THAP7: variants seen among roughly 807,000 people sequenced by gnomAD.
THAP7 encodes THAP domain containing 7.
THAP7 carries 22 observed loss-of-function variants against 29.2 expected under a neutral mutation model. The ratio of observed to expected loss-of-function variants is 0.75; its 90% CI spans 0.54 to 1.08. The LOEUF is 1.08. Ranked by LOEUF, THAP7 falls within the 50% of genes least tolerant of loss-of-function variation. The pLI is 0.00. For missense variants in THAP7, 448 were observed against 416.2 expected (o/e 1.08, Z -0.66); for synonymous variants, 208 against 173.4 (o/e 1.20, Z -1.57).
At position 20,999,944 on chromosome 22, in the gene THAP7, G is replaced by A. The variant is rs1403563848; in HGVS notation, c.866C>T (p.Ala289Val). ...RAREKRAQADARQTLKEHVQD... is the reference protein window; with the variant it reads ...RAREKRAQADVRQTLKEHVQD... ...CACATGCTCCTTCAGAGTCTGGCGG[G>A]CATCTGCCTGTGCCCGCTTCTCCCG... The change falls in exon 4 of 4, where the codon GCC (alanine) becomes GTC (valine). Residue 289 changes from alanine (A) to valine (V), a missense_variant. By Grantham distance (64) the Ala-to-Val change is moderately conservative. Coordinates refer to ENST00000215742, the MANE Select transcript of THAP7 (RefSeq NM_030573.3). 6.2e-7 allele frequency: 1 copy of A among 1,612,254 alleles called. No homozygotes were observed. The highest frequency in any genetic ancestry group is 8.5e-7 in the Non-Finnish European group (1 of 1,179,982).
rs201463648 is a variant in THAP7, at chr22:21,001,393, G to A, written c.99C>T (p.Asn33=). 14 of 1,613,750 alleles carry A rather than the reference G, an allele frequency of 8.7e-6. No homozygotes were observed. Among genetic ancestry groups the A allele is most frequent in the Non-Finnish European group, 1.1e-5 (13 of 1,180,008 alleles). ...ISFHRLPKKD[N]PRRGLWLANC... is the part of the protein sequence containing the mutation. ...TGGCCAGCCACAAGCCTCGCCTCGG[G>A]TTGTCCTTCTTGGGAAGTCTGTGGA... The change falls in exon 2 of 4, where the codon AAC becomes AAT. Residue 33 remains asparagine, a synonymous_variant. Transcript: ENST00000215742.
chr22:21,001,425 A>G lies in THAP7; in HGVS notation c.81-14T>C. On this transcript the variant is annotated splice_polypyrimidine_tract_variant and intron_variant, in intron 1 of 3. Coordinates refer to ENST00000215742, the MANE Select transcript of THAP7 (RefSeq NM_030573.3). Reference sequence around the variant, plus strand: ...TTCTTGGGAAGTCTGTGGAGCCACAAACCCGTGAGCACCAGGCTGTCCACA... The same window carrying G: ...TTCTTGGGAAGTCTGTGGAGCCACAGACCCGTGAGCACCAGGCTGTCCACA... The G allele has an allele frequency of 6.2e-7, 1 of 1,612,626 alleles. No individual in the cohort carries two copies. Among genetic ancestry groups the G allele is most frequent in the Non-Finnish European group, 8.5e-7 (1 of 1,179,790 alleles).
intron 2 of THAP7, 114 bp downstream of exon 2, chr22:21,001,142 A>G (rs1014050941): frequency 4.1e-5 from 60 of 1,462,700 alleles, no homozygotes; most frequent in African/African-American, 1.7e-4. Flanking sequence ...AGCTGGGAAC[A>G]GGAAACAGCC....
Position 21,000,723 on chromosome 22 carries a change from G to C in THAP7, c.301C>G (p.Arg101Gly), listed in dbSNP as rs760363033. The C allele has an allele frequency of 1.9e-6, 3 of 1,614,020 alleles. No individual in the cohort carries two copies. Among genetic ancestry groups the C allele is most frequent in the East Asian group, 2.2e-5 (1 of 44,894 alleles). Reference sequence around the variant, plus strand: ...CTGTGTCCTTTGGTCTTGGTTGTCCGGCGCAACTTGGAGAAAGACTCAAAT... The same window carrying C: ...CTGTGTCCTTTGGTCTTGGTTGTCCCGCGCAACTTGGAGAAAGACTCAAAT... ...TIFESFSKLRRTTKTKGHSYP... is the reference protein window; with the variant it reads ...TIFESFSKLRGTTKTKGHSYP... Residue 101 changes from arginine (R) to glycine (G), a missense_variant, in exon 3 of 4, where the codon CGG becomes GGG. Coordinates refer to ENST00000215742, the MANE Select transcript of THAP7 (RefSeq NM_030573.3).
Position 21,000,407 on chromosome 22 carries a change from T to C in THAP7, c.403A>G (p.Thr135Ala), listed in dbSNP as rs1184685680. 4.5e-6 allele frequency: 7 copies of C among 1,552,728 alleles called. No homozygotes were observed. Among genetic ancestry groups the C allele is most frequent in the Middle Eastern group, 1.7e-4 (1 of 6,016 alleles). ...KRCSEGRGPT[T>A]PFSPPPPADV... Reference sequence around the variant, plus strand: ...GCAGGTGGAGGTGGAGAAAATGGAGTTGTGGGCCCTCGGCCCTCGGAGCAG... The same window carrying C: ...GCAGGTGGAGGTGGAGAAAATGGAGCTGTGGGCCCTCGGCCCTCGGAGCAG... Residue 135 changes from threonine (T) to alanine (A), a missense_variant, in exon 4 of 4, where the codon ACT (threonine) becomes GCT (alanine). Physicochemically the swap from Thr to Ala is moderately conservative, Grantham distance 58. Coordinates refer to ENST00000215742, the MANE Select transcript of THAP7 (RefSeq NM_030573.3).
At position 21,001,887 on chromosome 22, in the gene THAP7, C is replaced by T. The variant is rs771502241; in HGVS notation, c.25G>A (p.Gly9Ser). The T allele has an allele frequency of 1.3e-6, 2 of 1,573,168 alleles. No homozygotes were observed. Among genetic ancestry groups the T allele is most frequent in the African/African-American group, 1.4e-5 (1 of 73,716 alleles). Residue 9 changes from glycine to serine, a missense_variant, in exon 1 of 4, where the codon GGC becomes AGC. Physicochemically the swap from Gly to Ser is moderately conservative, Grantham distance 56. Transcript: ENST00000215742. ...TCGCGCGTGTCCCGTGTGCAGCAGC[C>T]GGCGGCGGAGCAGTGACGCGGCATC... is the stretch of plus-strand genomic sequence containing the variant. Reference protein sequence around the residue: MPRHCSAAGCCTRDTRETR... With the variant: MPRHCSAASCCTRDTRETR...
chr22:21,000,017 C>G lies in THAP7; in HGVS notation c.793G>C (p.Glu265Gln). 6.2e-7 allele frequency: 1 copy of G among 1,612,832 alleles called. No individual in the cohort carries two copies. Among genetic ancestry groups the G allele is most frequent in the Non-Finnish European group, 8.5e-7 (1 of 1,179,934 alleles). The change falls in exon 4 of 4, where the codon GAG (glutamate) becomes CAG (glutamine). Residue 265 changes from glutamate to glutamine, a missense_variant. Glu to Gln is a conservative substitution (Grantham distance 29, BLOSUM62 2). Transcript: ENST00000215742. ...GTCAGTCTCAACCGCAGCCGCTGCTCCCGCCGCTTGCAGGCCTGCAGCTGG... is the reference window on the plus strand; with the variant it reads ...GTCAGTCTCAACCGCAGCCGCTGCTGCCGCCGCTTGCAGGCCTGCAGCTGG... The part of the protein sequence containing the change: ...QRQLQACKRR[E>Q]QRLRLRLTKL...
chr22:21,000,791 CG>C lies in THAP7; in HGVS notation c.237-5del. 1 of 1,614,014 alleles carries C rather than the reference CG, an allele frequency of 6.2e-7. No homozygotes were observed. Among genetic ancestry groups the C allele is most frequent in the South Asian group, 1.1e-5 (1 of 91,088 alleles). ...CTCCTTTAGCCTGTGATATCCACTGCGGGGAAAAGCAACCCAGATGAGCTGG... is the reference window on the plus strand; with the variant it reads ...CTCCTTTAGCCTGTGATATCCACTGCGGGAAAAGCAACCCAGATGAGCTGG... On this transcript the variant is annotated splice_polypyrimidine_tract_variant and splice_region_variant and intron_variant, in intron 2 of 3. Coordinates refer to ENST00000215742, the MANE Select transcript of THAP7 (RefSeq NM_030573.3).
chr22:21,000,609 G>A (rs755586464), intron 3 of THAP7, 38 bp downstream of exon 3: 5 of 1,613,226 alleles, frequency 3.1e-6, no homozygotes, highest in East Asian at 2.2e-5. Flanking sequence ...CCTCAGCCTA[G>A]GGGTGGGAGT....
At chr22:21,000,543 G>A in intron 3 of THAP7, 104 bp downstream of exon 3, 1 of 1,578,068 alleles carries the variant, frequency 6.3e-7, no homozygotes, top group Admixed American at 1.7e-5. Context: ...CACAGGTTCT[G>A]TGTAGCAAGA....
chr22:21,001,872 C>A lies in THAP7; in HGVS notation c.40G>T (p.Asp14Tyr). ...CCGCGGTTGCGCGTCTCGCGCGTGTCCCGTGTGCAGCAGCCGGCGGCGGAG... is the reference window on the plus strand; with the variant it reads ...CCGCGGTTGCGCGTCTCGCGCGTGTACCGTGTGCAGCAGCCGGCGGCGGAG... ...HCSAAGCCTR[D>Y]TRETRNRGIS... Residue 14 changes from aspartate to tyrosine, a missense_variant, in exon 1 of 4, where the codon GAC (aspartate) becomes TAC (tyrosine). By Grantham distance (160) the Asp-to-Tyr change is radical (BLOSUM62 -3). Transcript: ENST00000215742. 1 of 1,572,140 alleles carries A rather than the reference C, an allele frequency of 6.4e-7. No individual in the cohort carries two copies. The highest frequency in any genetic ancestry group is 1.2e-5 in the South Asian group (1 of 85,712).
At chr22:21,001,444 G>A in intron 1 of THAP7, 33 bp from the exon 2 acceptor site, 5 of 1,609,234 alleles carry the variant, frequency 3.1e-6, no homozygotes, top group African/African-American at 1.3e-5. Flanking sequence ...GCACCAGGCT[G>A]TCCACAGCCC....
Position 20,999,962 on chromosome 22 carries a change from T to G in THAP7, c.848A>C (p.Lys283Thr). ...TKLQQERARE[K>T]RAQADARQTL... ...CTGGCGGGCATCTGCCTGTGCCCGC[T>G]TCTCCCGTGCCCGCTCCTGCTGCAG... Residue 283 changes from lysine (K) to threonine (T), a missense_variant, in exon 4 of 4, where the codon AAG becomes ACG. Coordinates refer to ENST00000215742, the MANE Select transcript of THAP7 (RefSeq NM_030573.3). 1 of 1,612,758 alleles carries G rather than the reference T, an allele frequency of 6.2e-7. No individual in the cohort carries two copies. The highest frequency in any genetic ancestry group is 8.5e-7 in the Non-Finnish European group (1 of 1,179,966).
intron 2 of THAP7, 153 bp downstream of exon 2, chr22:21,001,103 T>A: frequency 8.6e-7 from 1 of 1,164,866 alleles, no homozygotes; most frequent in Admixed American, 2.3e-5. Context: ...ACAGGCACAG[T>A]GATCCTGGGG....
chr22:21,000,709 G>A lies in THAP7; in HGVS notation c.315C>T (p.Thr105=), dbSNP rs769826023. 4 of 1,614,070 alleles carry A rather than the reference G, an allele frequency of 2.5e-6. No individual in the cohort carries two copies. Among genetic ancestry groups the A allele is most frequent in the Admixed American group, 1.7e-5 (1 of 60,008 alleles). ...GGCCAGGTGGGTAACTGTGTCCTTT[G>A]GTCTTGGTTGTCCGGCGCAACTTGG... is the stretch of plus-strand genomic sequence containing the variant. The part of the protein sequence containing the change: ...SFSKLRRTTK[T]KGHSYPPGPA... Residue 105 remains threonine, a synonymous_variant, in exon 3 of 4, where the codon ACC becomes ACT. Transcript: ENST00000215742.
Position 21,000,262 on chromosome 22 carries a change from C to G in THAP7, c.548G>C (p.Gly183Ala), listed in dbSNP as rs1925077951. 6.4e-7 allele frequency: 1 copy of G among 1,556,812 alleles called. No individual in the cohort carries two copies. Among genetic ancestry groups the G allele is most frequent in the Non-Finnish European group, 8.7e-7 (1 of 1,150,000 alleles). Residue 183 changes from glycine to alanine, a missense_variant, in exon 4 of 4, where the codon GGT becomes GCT. Physicochemically the swap from Gly to Ala is moderately conservative, Grantham distance 60. Coordinates refer to ENST00000215742, the MANE Select transcript of THAP7 (RefSeq NM_030573.3). ...GCAGCCTGCTTCATCTGCCTGGGCA[C>G]CCAAGGGGCCCAGTAGGTCTGAAAA... ...SPFSDLLGPL[G>A]AQADEAGCSA...
rs983247947 is a variant in THAP7 at position 20,999,472 on chromosome 22, G to A, written c.*408C>T. On this transcript the variant is annotated 3_prime_UTR_variant, in exon 4 of 4. Transcript: ENST00000215742. ...ACTGGGTTTTAGAAGTGTTCTCAAA[G>A]GGGCTGGCTGGTTTAAGTCAGGGCT... 5 of 189,144 alleles carry A rather than the reference G, an allele frequency of 2.6e-5. No homozygotes were observed. The highest frequency in any genetic ancestry group is 1.1e-4 in the South Asian group (1 of 9,330). 11.7% of individuals were successfully genotyped at this position (189,144 alleles called of 1,614,324 possible). A position where few individuals can be genotyped will look rare whatever the true frequency, so the allele number is the denominator to read the frequency against.
At chr22:21,001,209 C>T (rs978817141) in intron 2 of THAP7, 47 bp downstream of exon 2, 52 of 1,602,934 alleles carry the variant, frequency 3.2e-5, no homozygotes, top group Middle Eastern at 1.7e-4. Flanking sequence ...CCCAGTCCGC[C>T]GGGAGCCCCA....
chr22:21,000,526 C>A, intron 3 of THAP7, 94 bp from the exon 4 acceptor site: 1 of 1,569,372 alleles, frequency 6.4e-7, no homozygotes, highest in Non-Finnish European at 8.6e-7. Context: ...AACACCCAAA[C>A]CCGATCCACA....
Sources: allele counts gnomAD v4.1 joint callset, GRCh38; gene constraint gnomAD v4.1.1; transcripts MANE v1.5; gene names NCBI Gene and HGNC (gene_info 2026-07-23, HGNC 2026-07-21).